CBFB: variants seen among roughly 807,000 people sequenced by gnomAD.
The protein encoded by CBFB is core-binding factor subunit beta.
A neutral mutation model predicts 30.4 loss-of-function variants in CBFB; 9 were observed. That is an observed-to-expected ratio of 0.30 (90% CI 0.18 to 0.52). CBFB has a LOEUF of 0.52. Among genes scored for constraint, CBFB ranks in the 20% least tolerant of loss-of-function variants. CBFB has a pLI of 0.97. For synonymous variants in CBFB, 94 were observed against 84.0 expected (o/e 1.12, Z -0.65); for missense variants, 170 against 244.0 (o/e 0.70, Z 2.02).
At chr16:67,042,512 C>T (rs779138080) in intron 3 of CBFB, among the ~76,000 whole-genome samples, 1 of 152,112 alleles carries the variant, frequency 6.6e-6, no homozygotes, top group Non-Finnish European at 1.5e-5. Context: ...TTTCAGTCAC[C>T]CCCCCAAAGG....
At chr16:67,070,402 G>A (rs2145755399) in intron 4 of CBFB, among the ~76,000 whole-genome samples, 1 of 152,198 alleles carries the variant, frequency 6.6e-6, no homozygotes, top group East Asian at 1.9e-4. Context: ...AAGAATCCAT[G>A]CACTACCCTG....
intron 4 of CBFB, among the ~76,000 whole-genome samples, chr16:67,081,142 A>T (rs1287210638): frequency 1.1e-5 from 1 of 87,754 alleles, no homozygotes. Flanking sequence ...CCCACCCCAC[A>T]ACAGTCCCCA....
At chr16:67,051,301 C>T (rs545295411) in intron 3 of CBFB, among the ~76,000 whole-genome samples, 3 of 152,092 alleles carry the variant, frequency 2.0e-5, no homozygotes, top group South Asian at 4.1e-4. Flanking sequence ...CTTATAATGT[C>T]GCTAGTGTGA....
At chr16:67,062,331 G>C (rs1168761780) in intron 3 of CBFB, among the ~76,000 whole-genome samples, 1 of 150,750 alleles carries the variant, frequency 6.6e-6, no homozygotes, top group African/African-American at 2.4e-5. Context: ...ACCACGCCTG[G>C]CTAATTTTTG....
intron 3 of CBFB, among the ~76,000 whole-genome samples, chr16:67,039,067 G>A (rs1966489825): frequency 6.6e-6 from 1 of 152,176 alleles, no homozygotes; most frequent in Admixed American, 6.5e-5. Context: ...CTTAATGGTA[G>A]GGATATGTTC....
Position 67,098,949 on chromosome 16 carries a change from TATA to T in CBFB, c.*175_*177del. The T allele has an allele frequency of 2.1e-6, 1 of 477,334 alleles. No homozygotes were observed. The highest frequency in any genetic ancestry group is 4.1e-5 in the South Asian group (1 of 24,282). 29.6% of individuals were successfully genotyped at this position (477,334 alleles called of 1,614,324 possible). A position where few individuals can be genotyped will look rare whatever the true frequency, so the allele number is the denominator to read the frequency against. The stretch of plus-strand genomic sequence containing the variant: ...AACTGCCATGGTTTTGCACTATGAT[TATA>T]ATACCTGCATTTCTAATTTTTTAAG... On this transcript the variant is annotated 3_prime_UTR_variant, in exon 6 of 6. Coordinates refer to ENST00000412916, the MANE Select transcript of CBFB (RefSeq NM_022845.3).
chr16:67,051,510 A>G (rs1344986123), intron 3 of CBFB, among the ~76,000 whole-genome samples: 1 of 151,902 alleles, frequency 6.6e-6, no homozygotes, highest in African/African-American at 2.4e-5. Context: ...ACATACATAT[A>G]TGGATCCAGT....
At chr16:67,093,488 A>G (rs2145784897) in intron 5 of CBFB, 1 of 147,424 alleles carries the variant, frequency 6.8e-6, no homozygotes, top group East Asian at 2.0e-4. Flanking sequence ...AGCTCTGACC[A>G]GTAGGGAAAA....
chr16:67,066,605 T>G, intron 3 of CBFB, 77 bp from the exon 4 acceptor site: 1 of 751,628 alleles, frequency 1.3e-6, no homozygotes, highest in Non-Finnish European at 2.3e-6. Flanking sequence ...CTACAGAGTT[T>G]ATATAAGTAA....
intron 5 of CBFB, among the ~76,000 whole-genome samples, chr16:67,097,973 C>A (rs1243809430): frequency 1.3e-5 from 2 of 152,190 alleles, no homozygotes; most frequent in South Asian, 4.1e-4. Context: ...AAAGTACTTA[C>A]AACAGTGCCC....
chr16:67,085,958 T>A (rs966559946), intron 5 of CBFB, among the ~76,000 whole-genome samples: 1 of 152,144 alleles, frequency 6.6e-6, no homozygotes, highest in Non-Finnish European at 1.5e-5. Flanking sequence ...GATTACAGGC[T>A]TGAGCCACTG....
chr16:67,036,165 C>T (rs1234572101), intron 2 of CBFB, among the ~76,000 whole-genome samples: 1 of 152,138 alleles, frequency 6.6e-6, no homozygotes, highest in African/African-American at 2.4e-5. Flanking sequence ...ATTCCAAGTG[C>T]ATTTTTTATG....
At chr16:67,080,949 T>C (rs1961535703) in intron 4 of CBFB, among the ~76,000 whole-genome samples, 1 of 152,172 alleles carries the variant, frequency 6.6e-6, no homozygotes, top group South Asian at 2.1e-4. Context: ...TATGAAATAC[T>C]GAATTTTTCT....
At chr16:67,079,732 T>C (rs1961503145) in intron 4 of CBFB, among the ~76,000 whole-genome samples, 1 of 152,146 alleles carries the variant, frequency 6.6e-6, no homozygotes, top group African/African-American at 2.4e-5. Flanking sequence ...TCTGTCTCAT[T>C]GGCTACAACT....
At chr16:67,047,060 C>T (rs1310256727) in intron 3 of CBFB, among the ~76,000 whole-genome samples, 1 of 151,776 alleles carries the variant, frequency 6.6e-6, no homozygotes, top group Non-Finnish European at 1.5e-5. Context: ...ACCTGTAATC[C>T]CAGCACTTTA....
At chr16:67,038,416 G>A (rs932937481) in intron 3 of CBFB, among the ~76,000 whole-genome samples, 1 of 151,312 alleles carries the variant, frequency 6.6e-6, no homozygotes, top group African/African-American at 2.4e-5. Context: ...TGAATTTTTT[G>A]TTTTCTCCAA....
chr16:67,034,708 A>G (rs1477097355), intron 2 of CBFB, among the ~76,000 whole-genome samples: 2 of 152,178 alleles, frequency 1.3e-5, no homozygotes, highest in Middle Eastern at 3.2e-3. Flanking sequence ...TTTGGGGTAC[A>G]CTGGAGGTGG....
rs368748767 is a variant in CBFB, at chr16:67,084,165, C to CAAAAAAAA, written c.495+1874_495+1881dup. Reference sequence around the variant, plus strand: ...TGGATGACAGAGCAGGACCCTACCTCAAAAAAAAAAAAAAAAAAAAAAAAG... The same window carrying CAAAAAAAA: ...TGGATGACAGAGCAGGACCCTACCTCAAAAAAAAAAAAAAAAAAAAAAAAAAAAAAAAG... On this transcript the variant is annotated intron_variant, in intron 5 of 5. Transcript: ENST00000412916. Among the ~76,000 whole-genome samples, 157 of 54,306 alleles carry CAAAAAAAA rather than the reference C, an allele frequency of 2.9e-3. 4 individuals carry two copies. The highest frequency in any genetic ancestry group is 0.011 in the African/African-American group (153 of 13,462). 35.6% of individuals were successfully genotyped at this position (54,306 alleles called of 152,430 possible).
intron 5 of CBFB, among the ~76,000 whole-genome samples, chr16:67,092,851 T>TACA (rs1961937188): frequency 6.6e-6 from 1 of 151,680 alleles, no homozygotes; most frequent in Non-Finnish European, 1.5e-5. Context: ...TAGCTGGGAT[T>TACA]ACAGGTATGC....
Sources: allele counts gnomAD v4.1 joint callset (sites outside exome capture counted in the v4.1 genomes callset), GRCh38; gene constraint gnomAD v4.1.1; transcripts MANE v1.5; gene names NCBI Gene and HGNC (gene_info 2026-07-23, HGNC 2026-07-21).